Variants in UGT1A10 observed in about 807,000 individuals in gnomAD.
UGT1A10 encodes UDP glucuronosyltransferase family 1 member A10, also known as UDP-glucuronosyltransferase 1A10.
Under a neutral mutation model 45.8 loss-of-function variants are expected in UGT1A10, and 49 were observed. The ratio of observed to expected loss-of-function variants is 1.07; its 90% CI spans 0.85 to 1.36. The LOEUF is 1.36. Among genes scored for constraint, UGT1A10 ranks in the 40% most tolerant of loss-of-function variants. UGT1A10 has a pLI of 0.00. For missense variants in UGT1A10, 745 were observed against 668.6 expected, an observed-to-expected ratio of 1.11 and a Z score of -1.26; for synonymous variants, 284 against 249.7, an observed-to-expected ratio of 1.14 and a Z score of -1.29.
chr2:233,742,039 T>C (rs553186051), intron 1 of UGT1A10: 6 of 152,044 alleles, frequency 3.9e-5, no homozygotes, highest in African/African-American at 1.5e-4. Context: ...GTCCCAAGCA[T>C]AGCAATAGGA....
intron 1 of UGT1A10, chr2:233,690,741 C>G: frequency 8.3e-7 from 1 of 1,202,758 alleles, no homozygotes; most frequent in South Asian, 1.5e-5. Context: ...ATTCCTCTGG[C>G]TAGTGTCCAG....
intron 1 of UGT1A10, among the ~76,000 whole-genome samples, chr2:233,746,336 A>G (rs1235397882): frequency 1.3e-5 from 2 of 151,736 alleles, no homozygotes; most frequent in Non-Finnish European, 2.9e-5. Context: ...AGGGCAATGG[A>G]CATGTTTATG....
chr2:233,695,630 G>A (rs979864774), intron 1 of UGT1A10, among the ~76,000 whole-genome samples: 8 of 151,156 alleles, frequency 5.3e-5, no homozygotes, highest in African/African-American at 1.9e-4. Context: ...ACCTCCATGA[G>A]ACCCACTTTT....
rs991144087 is a variant in UGT1A10 at position 233,687,245 on chromosome 2, A to T, written c.855+49868A>T. On this transcript the variant is annotated intron_variant, in intron 1 of 4. Transcript: ENST00000344644. ...CACAATTATCTCCAACCTCCACAAG[A>T]TTAATGATCTTAACCATGCATTCAG... Among the ~76,000 whole-genome samples the T allele has an allele frequency of 5.1e-4, 77 of 152,304 alleles. 1 individual carries two copies. Among genetic ancestry groups the T allele is most frequent in the Admixed American group, 5.0e-3 (77 of 15,302 alleles).
chr2:233,688,714 C>G (rs2074911087), intron 1 of UGT1A10, among the ~76,000 whole-genome samples: 1 of 152,160 alleles, frequency 6.6e-6, no homozygotes, highest in African/African-American at 2.4e-5. Flanking sequence ...GAACAAATAT[C>G]TGTTGAGAGT....
intron 1 of UGT1A10, among the ~76,000 whole-genome samples, chr2:233,641,602 G>A (rs1390410084): frequency 6.6e-6 from 1 of 152,198 alleles, no homozygotes; most frequent in African/African-American, 2.4e-5. Context: ...TTACCAGTGA[G>A]TTTTGTACCT....
Position 233,719,212 on chromosome 2 carries a change from T to C in UGT1A10, c.856-47822T>C, listed in dbSNP as rs1327237440. The C allele has an allele frequency of 1.9e-6, 3 of 1,614,142 alleles. No homozygotes were observed. The African/African-American group carries it at 4.0e-5, about 22-fold the overall frequency. ...GCCCTTCATAGGTGTTGTGTGGAGC[T>C]ACTGCATAATGAGGCCCTGATCAGG... On this transcript the variant is annotated intron_variant, in intron 1 of 4. Transcript: ENST00000344644.
At chr2:233,691,028 C>T in intron 1 of UGT1A10, 1 of 991,438 alleles carries the variant, frequency 1.0e-6, no homozygotes, top group Non-Finnish European at 1.2e-6. Flanking sequence ...TGGAAGGGCT[C>T]AGACCAACGT....
At chr2:233,761,164 G>C in intron 1 of UGT1A10, 2 of 1,614,240 alleles carry the variant, frequency 1.2e-6, no homozygotes, top group South Asian at 1.1e-5. Flanking sequence ...GTGTATTGGA[G>C]TGGGACTTTT....
intron 1 of UGT1A10, chr2:233,648,359 A>G (rs1175543707): frequency 7.4e-6 from 3 of 403,552 alleles, no homozygotes; most frequent in Non-Finnish European, 1.4e-5. Flanking sequence ...CTTTGACATT[A>G]CCTTGAAGAA....
intron 1 of UGT1A10, among the ~76,000 whole-genome samples, chr2:233,665,252 T>C (rs1261316190): frequency 1.3e-5 from 2 of 152,246 alleles, no homozygotes; most frequent in Non-Finnish European, 2.9e-5. Context: ...GGATTTAATG[T>C]AGTTTTTTCA....
At chr2:233,702,895 A>G (rs2075712942) in intron 1 of UGT1A10, among the ~76,000 whole-genome samples, 1 of 152,172 alleles carries the variant, frequency 6.6e-6, no homozygotes. Flanking sequence ...TCATATCCAT[A>G]AGAGATATTG....
intron 1 of UGT1A10, among the ~76,000 whole-genome samples, chr2:233,766,551 C>T (rs564580695): frequency 6.6e-6 from 1 of 152,328 alleles, no homozygotes; most frequent in East Asian, 1.9e-4. Flanking sequence ...TGCCTGTCCT[C>T]ACCTAGGTCC....
chr2:233,744,294 C>T (rs1692766749), intron 1 of UGT1A10, among the ~76,000 whole-genome samples: 1 of 151,800 alleles, frequency 6.6e-6, no homozygotes, highest in Admixed American at 6.5e-5. Context: ...TCTTTTTCCT[C>T]GGCCACAGGA....
chr2:233,725,174 G>A (rs1352494338), intron 1 of UGT1A10, among the ~76,000 whole-genome samples: 3 of 99,246 alleles, frequency 3.0e-5, no homozygotes, highest in Admixed American at 1.8e-4. Flanking sequence ...GAGGGAGACC[G>A]TGGGGAGAGG....
intron 1 of UGT1A10, among the ~76,000 whole-genome samples, chr2:233,668,195 T>TCCCTCC (rs2074116219): frequency 6.6e-6 from 1 of 152,112 alleles, no homozygotes; most frequent in Admixed American, 6.5e-5. Flanking sequence ...CCTAATGCTA[T>TCCCTCC]CCCTCCCCCA....
intron 1 of UGT1A10, among the ~76,000 whole-genome samples, chr2:233,656,935 T>C (rs1029949656): frequency 2.0e-5 from 3 of 151,862 alleles, no homozygotes; most frequent in Non-Finnish European, 4.4e-5. Context: ...TTTTTTTTTT[T>C]CCTTTCCTGT....
chr2:233,638,541 A>G (rs1276355171), intron 1 of UGT1A10, among the ~76,000 whole-genome samples: 1 of 152,212 alleles, frequency 6.6e-6, no homozygotes, highest in East Asian at 1.9e-4. Context: ...TAGAGTAGCC[A>G]GTTTAAATAG....
intron 1 of UGT1A10, among the ~76,000 whole-genome samples, chr2:233,714,260 A>T (rs2076376447): frequency 6.6e-6 from 1 of 152,230 alleles, no homozygotes; most frequent in East Asian, 1.9e-4. Context: ...ATAGAAATTT[A>T]CAATTGTTGA....
Sources: gnomAD v4.1 joint callset for allele counts (sites outside exome capture counted in the v4.1 genomes callset) on GRCh38, gnomAD v4.1.1 for gene constraint, MANE v1.5 for transcripts, NCBI Gene and HGNC (gene_info 2026-07-23, HGNC 2026-07-21) for gene names.